The following COL19A1 variants were observed in gnomAD, a reference collection of about 807,000 sequenced individuals.
The protein encoded by COL19A1 is collagen alpha-1(XIX) chain.
Under a neutral mutation model 190.2 loss-of-function variants are expected in COL19A1, and 159 were observed. The ratio of observed to expected loss-of-function variants is 0.84; its 90% CI spans 0.73 to 0.95. The LOEUF is 0.95. Among genes scored for constraint, COL19A1 ranks in the 40% least tolerant of loss-of-function variants. The pLI, the probability that COL19A1 is intolerant of heterozygous loss-of-function variation, is 0.00. For missense variants in COL19A1, 1,418 were observed against 1,431.9 expected (o/e 0.99, Z 0.16); for synonymous variants, 509 against 458.9 (o/e 1.11, Z -1.39).
chr6:70,150,798 C>T (rs947399492), intron 30 of COL19A1, among the ~76,000 whole-genome samples: 2 of 152,104 alleles, frequency 1.3e-5, no homozygotes, highest in African/African-American at 4.8e-5. Flanking sequence ...GAGTGAATCA[C>T]TTGTGCATTT....
intron 4 of COL19A1, among the ~76,000 whole-genome samples, chr6:69,918,070 G>C (rs1325849134): frequency 6.6e-6 from 1 of 152,118 alleles, no homozygotes; most frequent in Non-Finnish European, 1.5e-5. Context: ...CTGGAGCCTG[G>C]GTGCCACACA....
chr6:70,122,548 C>A (rs1297715152), intron 17 of COL19A1, among the ~76,000 whole-genome samples: 1 of 152,126 alleles, frequency 6.6e-6, no homozygotes, highest in African/African-American at 2.4e-5. Context: ...TAGGTGAGAT[C>A]ATTGATTGAT....
At chr6:70,119,901 GC>G (rs1784787511) in intron 16 of COL19A1, among the ~76,000 whole-genome samples, 2 of 152,166 alleles carry the variant, frequency 1.3e-5, no homozygotes, top group Admixed American at 1.3e-4. Context: ...GACCAGCCTG[GC>G]CAACATGGCG....
intron 11 of COL19A1, among the ~76,000 whole-genome samples, chr6:69,992,724 A>T (rs6912321): frequency 0.21 from 32,142 of 151,764 alleles, 5,604 homozygotes; most frequent in African/African-American, 0.47. Flanking sequence ...CTACTCTGAA[A>T]GGGACAGTGT....
intron 41 of COL19A1, among the ~76,000 whole-genome samples, chr6:70,173,154 T>A (rs1298408503): frequency 6.6e-6 from 1 of 152,162 alleles, no homozygotes; most frequent in Non-Finnish European, 1.5e-5. Context: ...ATCAGGAGTT[T>A]AATTTTGTAC....
chr6:70,057,071 T>A (rs1351044613), intron 14 of COL19A1, among the ~76,000 whole-genome samples: 2 of 152,186 alleles, frequency 1.3e-5, no homozygotes, highest in Non-Finnish European at 2.9e-5. Flanking sequence ...CTGCCCATTG[T>A]TCCAAAAACA....
intron 16 of COL19A1, among the ~76,000 whole-genome samples, chr6:70,116,933 T>A (rs1455050953): frequency 2.0e-5 from 3 of 152,236 alleles, no homozygotes; most frequent in East Asian, 3.9e-4. Context: ...TAATTTTGAA[T>A]CCAGAAAAAA....
Position 70,168,659 on chromosome 6 carries a change from C to G in COL19A1, c.2546C>G (p.Pro849Arg). ...SYPGPPGPPGPKGDPGPVGEP... is the reference protein window; with the variant it reads ...SYPGPPGPPGRKGDPGPVGEP... ...CTTTCCATGTTTCTCTTACAGGGCC[C>G]AAAAGGCGATCCTGGCCCAGTGGTA... is the stretch of plus-strand genomic sequence containing the variant. The change falls in exon 40 of 51, where the codon CCA (proline) becomes CGA (arginine). Residue 849 changes from proline to arginine, a missense_variant. Transcript: ENST00000620364. The G allele has an allele frequency of 6.2e-7, 1 of 1,612,640 alleles. No individual in the cohort carries two copies. Among genetic ancestry groups the G allele is most frequent in the South Asian group, 1.1e-5 (1 of 90,842 alleles).
intron 11 of COL19A1, among the ~76,000 whole-genome samples, chr6:70,016,542 A>G (rs1197777849): frequency 6.6e-6 from 1 of 150,900 alleles, no homozygotes; most frequent in Non-Finnish European, 1.5e-5. Flanking sequence ...TTACACCTCA[A>G]TAAAGCTGTT....
At chr6:70,165,738 G>C (rs945634058) in intron 36 of COL19A1, among the ~76,000 whole-genome samples, 1 of 152,124 alleles carries the variant, frequency 6.6e-6, no homozygotes, top group Non-Finnish European at 1.5e-5. Context: ...AATGGGTATG[G>C]GAAAAGACCT....
intron 11 of COL19A1, among the ~76,000 whole-genome samples, chr6:69,982,026 G>A (rs1776061409): frequency 6.6e-6 from 1 of 152,080 alleles, no homozygotes; most frequent in African/African-American, 2.4e-5. Context: ...ATAATGCCAG[G>A]ATTGTTGCCA....
At chr6:69,879,711 G>A in intron 2 of COL19A1, 53 bp downstream of exon 2, 1 of 1,502,958 alleles carries the variant, frequency 6.7e-7, no homozygotes, top group Non-Finnish European at 9.3e-7. Context: ...TAGCCTTTAA[G>A]TCATTAAAAC....
Position 69,982,815 on chromosome 6 carries a change from A to G in COL19A1, c.1026+19945A>G, listed in dbSNP as rs974113787. On this transcript the variant is annotated intron_variant, in intron 11 of 50. Transcript: ENST00000620364. ...GTGAAACCCCGTCTCTACTAAAAAT[A>G]CAAAAAATTAGCCGGGCTTGGTGGT... 1.3e-4 allele frequency among the ~76,000 whole-genome samples: 19 copies of G among 151,034 alleles called. No individual in the cohort carries two copies. In the South Asian group the frequency reaches 2.9e-3, roughly 23 times the overall value.
At chr6:70,128,734 A>G (rs926062441) in intron 17 of COL19A1, among the ~76,000 whole-genome samples, 3 of 152,212 alleles carry the variant, frequency 2.0e-5, no homozygotes, top group Non-Finnish European at 2.9e-5. Flanking sequence ...CCACTGAAAC[A>G]AAGTTCAGGA....
chr6:70,091,179 A>C (rs12204304), intron 15 of COL19A1, among the ~76,000 whole-genome samples: 8,619 of 152,210 alleles, frequency 0.057, 295 homozygotes, highest in South Asian at 0.11. Context: ...GTCAGAGATG[A>C]TACAGCCAAG....
At chr6:70,022,349 G>GA (rs3840395) in intron 11 of COL19A1, among the ~76,000 whole-genome samples, 16,965 of 151,580 alleles carry the variant, frequency 0.11, 1,056 homozygotes, top group East Asian at 0.29. Flanking sequence ...TTTATCACTA[G>GA]AAAAAAAATT....
rs1363218244 is a variant in COL19A1 at position 69,936,885 on chromosome 6, A to G, written c.848A>G (p.Asp283Gly). The G allele has an allele frequency of 1.2e-6, 2 of 1,613,092 alleles. No individual in the cohort carries two copies. The highest frequency in any genetic ancestry group is 1.7e-5 in the Admixed American group (1 of 59,950). ...CTGCCAGCAAAGCAGGAACTTAAAG[A>G]CCAGTGCCAGTGCATTCCAAACAAG... is the stretch of plus-strand genomic sequence containing the variant. ...SYLPAKQELKDQCQCIPNKGE... is the reference protein window; with the variant it reads ...SYLPAKQELKGQCQCIPNKGE... The change falls in exon 8 of 51, where the codon GAC (aspartate) becomes GGC (glycine). Residue 283 changes from aspartate to glycine, a missense_variant. Transcript: ENST00000620364.
intron 14 of COL19A1, among the ~76,000 whole-genome samples, chr6:70,058,329 T>C (rs1205861485): frequency 6.6e-6 from 1 of 152,060 alleles, no homozygotes; most frequent in Non-Finnish European, 1.5e-5. Flanking sequence ...CCTCTAATTT[T>C]TAAATTTTTG....
chr6:70,016,848 CA>C (rs1778139494), intron 11 of COL19A1, among the ~76,000 whole-genome samples: 1 of 151,796 alleles, frequency 6.6e-6, no homozygotes, highest in African/African-American at 2.4e-5. Flanking sequence ...TGGCTATAAT[CA>C]AAAAGATTGA....
Sources: gnomAD v4.1 joint callset for allele counts (sites outside exome capture counted in the v4.1 genomes callset) on GRCh38, gnomAD v4.1.1 for gene constraint, MANE v1.5 for transcripts, NCBI Gene and HGNC (gene_info 2026-07-23, HGNC 2026-07-21) for gene names.